The following SORCS3 variants were observed in gnomAD, a reference collection of about 807,000 sequenced individuals.
The protein encoded by SORCS3 is sortilin related VPS10 domain containing receptor 3.
A neutral mutation model predicts 146.3 loss-of-function variants in SORCS3; 57 were observed. The observed-to-expected ratio is 0.39, with a 90% CI of 0.31 to 0.49. SORCS3 has a LOEUF of 0.49. Ranked by LOEUF, SORCS3 falls within the 20% of genes least tolerant of loss-of-function variation. The pLI, the probability that SORCS3 is intolerant of heterozygous loss-of-function variation, is 0.92. For missense variants in SORCS3, 1,341 were observed against 1,575.5 expected (o/e 0.85, Z 2.52); for synonymous variants, 653 against 618.5 (o/e 1.06, Z -0.83).
At chr10:105,056,444 G>C (rs1317819767) in intron 5 of SORCS3, among the ~76,000 whole-genome samples, 1 of 152,132 alleles carries the variant, frequency 6.6e-6, no homozygotes, top group Non-Finnish European at 1.5e-5. Flanking sequence ...AATAAAGCAG[G>C]GATATAGACC....
intron 4 of SORCS3, among the ~76,000 whole-genome samples, chr10:104,980,579 A>C: frequency 6.6e-6 from 1 of 152,196 alleles, no homozygotes; most frequent in East Asian, 1.9e-4. Flanking sequence ...TTCTAGAGAA[A>C]ATGAAAAGTG....
rs188986918 is a variant in SORCS3, at chr10:104,723,397, C to A, written c.627+81443C>A. On this transcript the variant is annotated intron_variant, in intron 1 of 26. Transcript: ENST00000369701. ...ATTTGCTGAGGAGTGTTTTACTTCC[C>A]ACTATGTGGTCAATTTTGGAATAGG... 2.2e-3 allele frequency among the ~76,000 whole-genome samples: 336 copies of A among 152,102 alleles called. 1 individual carries two copies. Among genetic ancestry groups the A allele is most frequent in the African/African-American group, 7.5e-3 (311 of 41,520 alleles).
At chr10:105,036,532 G>A (rs1328601992) in intron 4 of SORCS3, among the ~76,000 whole-genome samples, 3 of 152,172 alleles carry the variant, frequency 2.0e-5, no homozygotes, top group Non-Finnish European at 4.4e-5. Context: ...GCCAAGGCTG[G>A]TGGATCACCT....
chr10:105,154,875 G>T (rs962420159), intron 9 of SORCS3, among the ~76,000 whole-genome samples: 5 of 152,168 alleles, frequency 3.3e-5, no homozygotes, highest in African/African-American at 7.2e-5. Context: ...ACACACAAAA[G>T]CCAAGTGCCT....
chr10:105,191,969 A>G (rs1387610405), intron 14 of SORCS3, among the ~76,000 whole-genome samples: 1 of 152,206 alleles, frequency 6.6e-6, no homozygotes, highest in Non-Finnish European at 1.5e-5. Flanking sequence ...GCTGATTATC[A>G]TTGAAACCAC....
At chr10:105,110,465 T>G (rs931251745) in intron 7 of SORCS3, among the ~76,000 whole-genome samples, 38 of 152,166 alleles carry the variant, frequency 2.5e-4, no homozygotes, top group African/African-American at 8.7e-4. Flanking sequence ...TATCTTTATA[T>G]GTTTAACTAT....
chr10:104,921,390 T>C (rs559811639), intron 3 of SORCS3, among the ~76,000 whole-genome samples: 8 of 152,278 alleles, frequency 5.3e-5, no homozygotes, highest in African/African-American at 1.9e-4. Flanking sequence ...GACTGCCACC[T>C]GCAACTTTGG....
chr10:104,715,525 A>G (rs1182736073), intron 1 of SORCS3, among the ~76,000 whole-genome samples: 1 of 152,132 alleles, frequency 6.6e-6, no homozygotes. Context: ...GCGTGAGCCA[A>G]TTCTCATAAT....
At chr10:104,929,222 G>A (rs1341931203) in intron 3 of SORCS3, among the ~76,000 whole-genome samples, 1 of 152,104 alleles carries the variant, frequency 6.6e-6, no homozygotes, top group African/African-American at 2.4e-5. Flanking sequence ...AAACAAAACA[G>A]CTTTAATAAT....
At chr10:105,051,810 C>G (rs999806544) in intron 5 of SORCS3, among the ~76,000 whole-genome samples, 1 of 152,074 alleles carries the variant, frequency 6.6e-6, no homozygotes, top group Admixed American at 6.6e-5. Context: ...TAATTCAGCT[C>G]TCCTTTACAT....
chr10:104,729,790 G>A (rs937276681), intron 1 of SORCS3, among the ~76,000 whole-genome samples: 1 of 152,174 alleles, frequency 6.6e-6, no homozygotes, highest in African/African-American at 2.4e-5. Context: ...GTCAGGAGGT[G>A]ACTCGTTTTG....
chr10:105,193,772 C>G (rs952570390), intron 14 of SORCS3, among the ~76,000 whole-genome samples: 1 of 152,098 alleles, frequency 6.6e-6, no homozygotes, highest in Non-Finnish European at 1.5e-5. Context: ...ATTTCCCTGC[C>G]CAGTACTCTT....
At chr10:104,740,963 T>C (rs1428975863) in intron 1 of SORCS3, among the ~76,000 whole-genome samples, 26 of 151,836 alleles carry the variant, frequency 1.7e-4, no homozygotes, top group Non-Finnish European at 1.3e-4. Flanking sequence ...CCTTTTATTA[T>C]TATTATTATT....
At chr10:104,681,098 G>C (rs761487893) in intron 1 of SORCS3, among the ~76,000 whole-genome samples, 2 of 152,216 alleles carry the variant, frequency 1.3e-5, no homozygotes, top group East Asian at 3.8e-4. Flanking sequence ...ACACATGCCG[G>C]TCTCCCTGCT....
chr10:104,696,084 CACATATATAATAT>C lies in SORCS3; in HGVS notation c.627+54132_627+54144del, dbSNP rs1452111269. On this transcript the variant is annotated intron_variant, in intron 1 of 26. Transcript: ENST00000369701. Reference sequence around the variant, plus strand: ...TATTATATATAATATATATCATATACACATATATAATATATCATATACACATATTATATATAAT... The same window carrying C: ...TATTATATATAATATATATCATATACATCATATACACATATTATATATAAT... 5.1e-3 allele frequency among the ~76,000 whole-genome samples: 88 copies of C among 17,332 alleles called. 1 individual carries two copies. The highest frequency in any genetic ancestry group is 0.012 in the Non-Finnish European group (72 of 6,226). The allele number at this position is 17,332 out of a possible 152,430, so 11.4% of individuals were successfully genotyped here.
intron 14 of SORCS3, among the ~76,000 whole-genome samples, chr10:105,183,685 A>G (rs910573650): frequency 6.6e-6 from 1 of 152,086 alleles, no homozygotes; most frequent in African/African-American, 2.4e-5. Flanking sequence ...TGCTTGATTC[A>G]TAACCTTCAG....
intron 1 of SORCS3, among the ~76,000 whole-genome samples, chr10:104,654,089 A>G (rs1197850699): frequency 1.3e-5 from 2 of 152,248 alleles, no homozygotes; most frequent in Admixed American, 1.3e-4. Context: ...TTCACTTAAC[A>G]TAATGACCTC....
intron 3 of SORCS3, among the ~76,000 whole-genome samples, chr10:104,969,340 T>TGC (rs1554863654): frequency 3.3e-3 from 367 of 112,402 alleles, no homozygotes; most frequent in Middle Eastern, 0.01. Context: ...TGTGTGTGTG[T>TGC]GCGCGCGCGC....
At chr10:104,783,693 C>G (rs2017400239) in intron 1 of SORCS3, among the ~76,000 whole-genome samples, 1 of 152,116 alleles carries the variant, frequency 6.6e-6, no homozygotes, top group African/African-American at 2.4e-5. Flanking sequence ...CGCCATTGCA[C>G]TCCATCCTGG....
Sources: gnomAD v4.1 joint callset for allele counts (sites outside exome capture counted in the v4.1 genomes callset) on GRCh38, gnomAD v4.1.1 for gene constraint, MANE v1.5 for transcripts, NCBI Gene and HGNC (gene_info 2026-07-23, HGNC 2026-07-21) for gene names.